AGAP1: variants seen among roughly 807,000 people sequenced by gnomAD.
AGAP1 encodes ArfGAP with GTPase domain, ankyrin repeat and PH domain 1, also known as arf-GAP with GTPase, ANK repeat and PH domain-containing protein 1.
In AGAP1, 29 loss-of-function variants were observed where a neutral mutation model predicts 105.3. The ratio of observed to expected loss-of-function variants is 0.28; its 90% CI spans 0.21 to 0.38. The LOEUF (loss-of-function observed/expected upper bound fraction) is 0.38, where lower values mean the gene tolerates loss of function less well. Among genes scored for constraint, AGAP1 ranks in the 10% least tolerant of loss-of-function variants. AGAP1 has a pLI of 1.00. For synonymous variants in AGAP1, 509 were observed against 485.9 expected, an observed-to-expected ratio of 1.05 and a Z score of -0.63; for missense variants, 998 against 1,165.1, an observed-to-expected ratio of 0.86 and a Z score of 2.09.
In AGAP1 at chr2:235,955,353, C is replaced by T. The variant is rs573193316; in HGVS notation, c.1484-13109C>T. ...AGTGTAACAGGCATGTCGGCTCCAG[C>T]GACACACAGCTTGGACATCCTTACA... On this transcript the variant is annotated intron_variant, in intron 12 of 17. Transcript: ENST00000304032. Among the ~76,000 whole-genome samples, 10 of 152,264 alleles carry T rather than the reference C, an allele frequency of 6.6e-5. 1 individual carries two copies. The highest frequency in any genetic ancestry group is 5.8e-4 in the East Asian group (3 of 5,166).
Position 236,003,188 on chromosome 2 carries a change from G to T in AGAP1, c.1646-33373G>T, listed in dbSNP as rs561225367. On this transcript the variant is annotated intron_variant, in intron 13 of 17. Transcript: ENST00000304032. This position sits in a 1 kb window ranked among gnomAD's most constrained non-coding sequence, Gnocchi z 4.2. ...ACCCCCCAAGTAGCTGGGACTACAGGCACATGCCGCCACGCCCAGCTAATT... is the reference window on the plus strand; with the variant it reads ...ACCCCCCAAGTAGCTGGGACTACAGTCACATGCCGCCACGCCCAGCTAATT... Among the ~76,000 whole-genome samples, 11 of 152,268 alleles carry T rather than the reference G, an allele frequency of 7.2e-5. No homozygotes were observed. The highest frequency in any genetic ancestry group is 3.9e-4 in the Admixed American group (6 of 15,298).
Position 235,700,528 on chromosome 2 carries a change from G to A in AGAP1, c.164-8651G>A, listed in dbSNP as rs1021687548. ...TGTAATGAAAATGAGGGCCGGGTGT[G>A]TTGGCTCACACTTGTAATCCCAGCA... On this transcript the variant is annotated intron_variant, in intron 1 of 17. Coordinates refer to ENST00000304032, the MANE Select transcript of AGAP1 (RefSeq NM_001037131.3). This position sits in a 1 kb window ranked among gnomAD's most constrained non-coding sequence, Gnocchi z 6.1. Among the ~76,000 whole-genome samples, 1 of 152,136 alleles carries A rather than the reference G, an allele frequency of 6.6e-6. No homozygotes were observed. Among genetic ancestry groups the A allele is most frequent in the African/African-American group, 2.4e-5 (1 of 41,426 alleles).
chr2:235,596,922 T>G lies in AGAP1; in HGVS notation c.163+102073T>G, dbSNP rs1945544461. ...GCTTGCTCTGTACCCTATGAGGACA[T>G]CATGAGGAGATATGGCTTCTGCAGG... On this transcript the variant is annotated intron_variant, in intron 1 of 17. Coordinates refer to ENST00000304032, the MANE Select transcript of AGAP1 (RefSeq NM_001037131.3). The surrounding 1 kb of genome is among the most constrained non-coding windows in gnomAD (Gnocchi z 5.9). 6.6e-6 allele frequency among the ~76,000 whole-genome samples: 1 copy of G among 152,068 alleles called. No homozygotes were observed. The highest frequency in any genetic ancestry group is 6.5e-5 in the Admixed American group (1 of 15,272).
chr2:235,554,280 G>A (rs955499507), intron 1 of AGAP1, among the ~76,000 whole-genome samples: 4 of 152,198 alleles, frequency 2.6e-5, no homozygotes, highest in East Asian at 3.9e-4. Flanking sequence ...TAGCTGCTCC[G>A]CACCATTTAT....
chr2:235,713,367 G>C (rs112823055), intron 2 of AGAP1, among the ~76,000 whole-genome samples: 3 of 152,342 alleles, frequency 2.0e-5, no homozygotes, highest in Admixed American at 6.5e-5. Flanking sequence ...GCTTTATTTA[G>C]AATCTGTCCA....
intron 6 of AGAP1, among the ~76,000 whole-genome samples, chr2:235,770,711 G>GGA (rs1575407892): frequency 2.3e-5 from 2 of 86,414 alleles, no homozygotes; most frequent in Non-Finnish European, 5.5e-5. Flanking sequence ...TGGATTTTGA[G>GGA]AAAAAAATTG....
In AGAP1 at chr2:235,843,168, T is replaced by C. The variant is rs1246331388; in HGVS notation, c.1050+35837T>C. ...TGCCTGTGAAGTCGCTGTTCATCCC[T>C]GCAGGCTCCCTGTACCCCCAGCTCC... On this transcript the variant is annotated intron_variant, in intron 9 of 17. Coordinates refer to ENST00000304032, the MANE Select transcript of AGAP1 (RefSeq NM_001037131.3). This position sits in a 1 kb window ranked among gnomAD's most constrained non-coding sequence, Gnocchi z 5.9. Among the ~76,000 whole-genome samples the C allele has an allele frequency of 6.6e-6, 1 of 152,144 alleles. No homozygotes were observed. The highest frequency in any genetic ancestry group is 1.5e-5 in the Non-Finnish European group (1 of 68,026).
rs192468846 is a variant in AGAP1, at chr2:235,736,109, G to A, written c.311-4854G>A. Reference sequence around the variant, plus strand: ...TGGGACTCTGTTTTCCCCTCTCACTGAGATGCGGTCACAGCTGCCCAGCGA... The same window carrying A: ...TGGGACTCTGTTTTCCCCTCTCACTAAGATGCGGTCACAGCTGCCCAGCGA... On this transcript the variant is annotated intron_variant, in intron 3 of 17. Coordinates refer to ENST00000304032, the MANE Select transcript of AGAP1 (RefSeq NM_001037131.3). The surrounding 1 kb of genome is among the most constrained non-coding windows in gnomAD (Gnocchi z 5.5). Among the ~76,000 whole-genome samples the A allele has an allele frequency of 6.2e-3, 935 of 151,660 alleles. 10 individuals are homozygous for A. The highest frequency in any genetic ancestry group is 0.032 in the South Asian group (148 of 4,688).
chr2:235,590,693 G>A (rs1191908969), intron 1 of AGAP1, among the ~76,000 whole-genome samples: 30 of 84,764 alleles, frequency 3.5e-4, no homozygotes, highest in African/African-American at 1.5e-3. Flanking sequence ...GTGCGTGTGC[G>A]TGTGTGTGTG....
chr2:235,929,095 G>T (rs763235669), intron 11 of AGAP1, among the ~76,000 whole-genome samples: 13 of 152,218 alleles, frequency 8.5e-5, no homozygotes, highest in Non-Finnish European at 1.8e-4. Context: ...CATGTAAGCA[G>T]GGGAGCCCAG....
At position 235,665,607 on chromosome 2, in the gene AGAP1, A is replaced by G. The variant is rs1467060382; in HGVS notation, c.164-43572A>G. Among the ~76,000 whole-genome samples, 2 of 152,216 alleles carry G rather than the reference A, an allele frequency of 1.3e-5. No individual in the cohort carries two copies. The highest frequency in any genetic ancestry group is 2.9e-5 in the Non-Finnish European group (2 of 68,032). The stretch of plus-strand genomic sequence containing the variant: ...AATTTGAGTCTTATGCTAAAAATAT[A>G]AAAGTATTAATAAGACGTTACTGTC... On this transcript the variant is annotated intron_variant, in intron 1 of 17. Coordinates refer to ENST00000304032, the MANE Select transcript of AGAP1 (RefSeq NM_001037131.3). The surrounding 1 kb of genome is among the most constrained non-coding windows in gnomAD (Gnocchi z 5.3).
chr2:236,026,764 C>G (rs2057068949), intron 13 of AGAP1, among the ~76,000 whole-genome samples: 1 of 152,122 alleles, frequency 6.6e-6, no homozygotes, highest in South Asian at 2.1e-4. Context: ...GACAGTAAGA[C>G]AAACTGTTGA....
At chr2:235,909,551 A>G (rs550103345) in intron 11 of AGAP1, among the ~76,000 whole-genome samples, 3 of 152,312 alleles carry the variant, frequency 2.0e-5, no homozygotes, top group South Asian at 2.1e-4. Context: ...GCCCTGTGTC[A>G]TGAACCTTCC....
chr2:235,668,919 C>T (rs1010343413), intron 1 of AGAP1, among the ~76,000 whole-genome samples: 1 of 152,086 alleles, frequency 6.6e-6, no homozygotes, highest in Non-Finnish European at 1.5e-5. Flanking sequence ...CGGGCAGGCA[C>T]GTCTGTCTGC....
chr2:236,102,685 T>G (rs1296209426), intron 16 of AGAP1, among the ~76,000 whole-genome samples: 1 of 151,432 alleles, frequency 6.6e-6, no homozygotes, highest in East Asian at 1.9e-4. Context: ...CGTCTGCAAG[T>G]GGAGAATGGC....
rs1379344888 is a variant in AGAP1 at position 235,936,239 on chromosome 2, C to G, written c.1483+5316C>G. 6.6e-6 allele frequency among the ~76,000 whole-genome samples: 1 copy of G among 152,218 alleles called. No individual in the cohort carries two copies. The highest frequency in any genetic ancestry group is 1.9e-4 in the East Asian group (1 of 5,198). The stretch of plus-strand genomic sequence containing the variant: ...CGGCCTCCCCCAGGCCACCACGCAG[C>G]CTCGTCACCATCGAGCACAAACACC... On this transcript the variant is annotated intron_variant, in intron 12 of 17. Transcript: ENST00000304032. The surrounding 1 kb of genome is among the most constrained non-coding windows in gnomAD (Gnocchi z 4.7).
At chr2:235,899,094 C>G (rs1575730362) in intron 10 of AGAP1, among the ~76,000 whole-genome samples, 3 of 152,162 alleles carry the variant, frequency 2.0e-5, no homozygotes, top group Non-Finnish European at 4.4e-5. Flanking sequence ...AGTACTGACC[C>G]TTTGTCAAGG....
At chr2:235,898,401 TAAA>T in intron 10 of AGAP1, among the ~76,000 whole-genome samples, 1 of 141,608 alleles carries the variant, frequency 7.1e-6, no homozygotes, top group South Asian at 2.3e-4. Flanking sequence ...CTCCCCCATT[TAAA>T]AAAAAAAAAG....
At chr2:235,910,285 T>G in intron 11 of AGAP1, among the ~76,000 whole-genome samples, 1 of 151,850 alleles carries the variant, frequency 6.6e-6, no homozygotes, top group Non-Finnish European at 1.5e-5. Context: ...CTGCCTGTGT[T>G]GCAGGGGGGC....
Sources: gnomAD v4.1 joint callset for allele counts (sites outside exome capture counted in the v4.1 genomes callset) on GRCh38, gnomAD v4.1.1 for gene constraint, Gnocchi (gnomAD v3.1) non-coding constraint, MANE v1.5 for transcripts, NCBI Gene and HGNC (gene_info 2026-07-23, HGNC 2026-07-21) for gene names.